Variants in EXT2 observed in about 807,000 individuals in gnomAD.
EXT2 encodes exostosin-2.
EXT2 carries 53 observed loss-of-function variants against 81.6 expected under a neutral mutation model. That is an observed-to-expected ratio of 0.65 (90% CI 0.52 to 0.82). The LOEUF is 0.82. Among genes scored for constraint, EXT2 ranks in the 40% least tolerant of loss-of-function variants. The pLI is 0.00. For synonymous variants in EXT2, 320 were observed against 340.0 expected (o/e 0.94, Z 0.65); for missense variants, 774 against 910.2 (o/e 0.85, Z 1.93).
chr11:44,129,253 T>C (rs1954454367), intron 6 of EXT2, among the ~76,000 whole-genome samples: 1 of 152,232 alleles, frequency 6.6e-6, no homozygotes, highest in Non-Finnish European at 1.5e-5. Context: ...TGTTGGAACA[T>C]GGTTAGGTTA....
At chr11:44,198,833 G>C (rs1179367773) in intron 9 of EXT2, among the ~76,000 whole-genome samples, 1 of 152,160 alleles carries the variant, frequency 6.6e-6, no homozygotes, top group Non-Finnish European at 1.5e-5. Flanking sequence ...TTTATGGCTA[G>C]TCTCTTTTAA....
At chr11:44,153,080 T>C (rs903962065) in intron 7 of EXT2, among the ~76,000 whole-genome samples, 1 of 152,210 alleles carries the variant, frequency 6.6e-6, no homozygotes, top group African/African-American at 2.4e-5. Context: ...TTTACTGAAA[T>C]TTTGTTGAAT....
intron 7 of EXT2, among the ~76,000 whole-genome samples, chr11:44,141,514 TAA>T (rs1404149013): frequency 6.6e-6 from 1 of 152,228 alleles, no homozygotes; most frequent in Non-Finnish European, 1.5e-5. Flanking sequence ...TCTAATTAGT[TAA>T]GTTTAATTTA....
rs992104715 is a variant in EXT2, at chr11:44,250,757, T to C, written c.*6470T>C. On this transcript the variant is annotated 3_prime_UTR_variant, in exon 14 of 14. Coordinates refer to ENST00000533608, the MANE Select transcript of EXT2 (RefSeq NM_207122.2). Reference sequence around the variant, plus strand: ...ATGGCTGGCTGCTGTCTGAAGCTATTTGGAGTCCTCTCCCTGTGTTTTCTA... The same window carrying C: ...ATGGCTGGCTGCTGTCTGAAGCTATCTGGAGTCCTCTCCCTGTGTTTTCTA... Among the ~76,000 whole-genome samples, 2 of 152,246 alleles carry C rather than the reference T, an allele frequency of 1.3e-5. No individual in the cohort carries two copies. Among genetic ancestry groups the C allele is most frequent in the Non-Finnish European group, 2.9e-5 (2 of 68,044 alleles).
intron 1 of EXT2, among the ~76,000 whole-genome samples, chr11:44,101,436 C>T (rs754078489): frequency 1.3e-5 from 2 of 152,182 alleles, no homozygotes; most frequent in East Asian, 1.9e-4. Flanking sequence ...TATTCAGCCA[C>T]CTCCAATGTA....
intron 4 of EXT2, among the ~76,000 whole-genome samples, chr11:44,119,127 TATA>T (rs1565201089): frequency 0.01 from 300 of 28,792 alleles, 10 homozygotes; most frequent in East Asian, 0.023. Flanking sequence ...TGGCTATTTA[TATA>T]TATATATATA....
intron 8 of EXT2, among the ~76,000 whole-genome samples, chr11:44,185,687 A>C (rs1955301142): frequency 6.6e-6 from 1 of 152,220 alleles, no homozygotes; most frequent in African/African-American, 2.4e-5. Flanking sequence ...AGCTCAAACT[A>C]TACAGAAACT....
At chr11:44,107,269 C>T (rs573590444) in intron 1 of EXT2, among the ~76,000 whole-genome samples, 6 of 151,848 alleles carry the variant, frequency 4.0e-5, no homozygotes, top group African/African-American at 1.4e-4. Context: ...TTTGTTATTT[C>T]ACCACACCAC....
chr11:44,118,196 A>G (rs1954249599), intron 4 of EXT2, among the ~76,000 whole-genome samples: 1 of 152,104 alleles, frequency 6.6e-6, no homozygotes, highest in Non-Finnish European at 1.5e-5. Flanking sequence ...TTGAAATGAG[A>G]TTGCATCTTT....
In EXT2 at chr11:44,163,738, TCTC is replaced by T. The variant is rs559205997; in HGVS notation, c.1174-7869_1174-7867del. Among the ~76,000 whole-genome samples, 155 of 152,324 alleles carry T rather than the reference TCTC, an allele frequency of 1.0e-3. No individual in the cohort carries two copies. The Middle Eastern group carries it at 0.014, about 13-fold the overall frequency. ...TTTCCTGTAGCTCGGATCTCTTGAA[TCTC>T]CTCATTTGCTAAGAGGGAGAAGATT... On this transcript the variant is annotated intron_variant, in intron 7 of 13. Coordinates refer to ENST00000533608, the MANE Select transcript of EXT2 (RefSeq NM_207122.2).
rs1413283311 is a variant in EXT2, at chr11:44,236,335, A to G, written c.1978A>G (p.Ile660Val). ...KKFKCPECTA[I>V]DGLSLDQTHM... ...ATTCAAGTGTCCTGAGTGCACAGCC[A>G]TAGATGGGCTTTCACTAGACCAAAC... Residue 660 changes from isoleucine (I) to valine (V), a missense_variant, in exon 13 of 14, where the codon ATA (isoleucine) becomes GTA (valine). Physicochemically the swap from Ile to Val is conservative, Grantham distance 29. Around this residue, in one of 2 missense-constraint regions of EXT2, gnomAD observed 148 missense variants for 239.7 expected, o/e 0.62. Transcript: ENST00000533608. The G allele has an allele frequency of 6.8e-6, 11 of 1,614,020 alleles. No individual in the cohort carries two copies. The highest frequency in any genetic ancestry group is 4.0e-5 in the African/African-American group (3 of 74,940).
intron 4 of EXT2, among the ~76,000 whole-genome samples, chr11:44,117,893 C>T (rs1297629184): frequency 6.6e-6 from 1 of 152,190 alleles, no homozygotes; most frequent in Non-Finnish European, 1.5e-5. Flanking sequence ...TCCCAAGTAG[C>T]TAGGACTATA....
At chr11:44,173,724 A>G (rs1955112587) in intron 8 of EXT2, among the ~76,000 whole-genome samples, 1 of 151,082 alleles carries the variant, frequency 6.6e-6, no homozygotes, top group Non-Finnish European at 1.5e-5. Context: ...GCCCGCCACC[A>G]CGTCCGGCTA....
At chr11:44,145,988 G>A (rs968912768) in intron 7 of EXT2, among the ~76,000 whole-genome samples, 2 of 152,178 alleles carry the variant, frequency 1.3e-5, no homozygotes, top group South Asian at 4.1e-4. Flanking sequence ...CAGACGGGGT[G>A]GCTTAAACAA....
intron 7 of EXT2, among the ~76,000 whole-genome samples, chr11:44,132,162 TAA>T (rs1392115013): frequency 6.6e-6 from 1 of 152,208 alleles, no homozygotes; most frequent in Non-Finnish European, 1.5e-5. Context: ...CTGGGGAGGT[TAA>T]AATGCACAAA....
intron 7 of EXT2, among the ~76,000 whole-genome samples, chr11:44,144,823 T>A (rs1051732941): frequency 6.6e-6 from 1 of 152,196 alleles, no homozygotes; most frequent in African/African-American, 2.4e-5. Context: ...GTCAAGCTCT[T>A]TCACCCCTTA....
chr11:44,148,054 T>C (rs2135074578), intron 7 of EXT2, among the ~76,000 whole-genome samples: 1 of 152,236 alleles, frequency 6.6e-6, no homozygotes, highest in African/African-American at 2.4e-5. Context: ...TTTTCAAGAT[T>C]CTTAGTGCAT....
chr11:44,110,156 A>G (rs749863629), intron 3 of EXT2, among the ~76,000 whole-genome samples: 8 of 152,222 alleles, frequency 5.3e-5, no homozygotes, highest in East Asian at 1.9e-4. Context: ...AGCCTGAGGT[A>G]TTAGCCTGAG....
At chr11:44,233,624 G>A (rs1955924163) in intron 11 of EXT2, among the ~76,000 whole-genome samples, 1 of 152,172 alleles carries the variant, frequency 6.6e-6, no homozygotes, top group African/African-American at 2.4e-5. Flanking sequence ...GGTCTGTTCA[G>A]CTCAACACAG....
Sources: gnomAD v4.1 joint callset for allele counts (sites outside exome capture counted in the v4.1 genomes callset) on GRCh38, gnomAD v4.1.1 for gene constraint, gnomAD v4.1.1 regional missense constraint, MANE v1.5 for transcripts, NCBI Gene and HGNC (gene_info 2026-07-23, HGNC 2026-07-21) for gene names.